Variants in GALNT17 observed in about 807,000 individuals in gnomAD.
GALNT17 encodes the protein polypeptide N-acetylgalactosaminyltransferase 17.
Under a neutral mutation model 63.7 loss-of-function variants are expected in GALNT17, and 29 were observed. The ratio of observed to expected loss-of-function variants is 0.46; its 90% CI spans 0.34 to 0.62. The LOEUF is 0.62. Ranked by LOEUF, GALNT17 falls within the 20% of genes least tolerant of loss-of-function variation. The pLI is 0.01. For missense variants in GALNT17, 603 were observed against 799.6 expected, an observed-to-expected ratio of 0.75 and a Z score of 2.97; for synonymous variants, 305 against 318.3, an observed-to-expected ratio of 0.96 and a Z score of 0.45.
chr7:71,417,384 T>G (rs145494008), intron 4 of GALNT17, among the ~76,000 whole-genome samples: 63 of 152,198 alleles, frequency 4.1e-4, no homozygotes, highest in African/African-American at 1.5e-3. Context: ...GGCCGCCAAT[T>G]TTCCCTCCCA....
intron 1 of GALNT17, among the ~76,000 whole-genome samples, chr7:71,167,949 C>T (rs1033381618): frequency 1.3e-5 from 2 of 152,176 alleles, no homozygotes; most frequent in South Asian, 2.1e-4. Context: ...GGATTTCAGG[C>T]GTGAGTCACC....
chr7:71,709,194 C>T (rs746039412), intron 9 of GALNT17, among the ~76,000 whole-genome samples: 1 of 152,176 alleles, frequency 6.6e-6, no homozygotes, highest in Non-Finnish European at 1.5e-5. Context: ...ATAAGCATGC[C>T]TTCTTCTCTG....
intron 1 of GALNT17, among the ~76,000 whole-genome samples, chr7:71,245,353 G>A (rs1378396665): frequency 6.6e-6 from 1 of 152,336 alleles, no homozygotes; most frequent in South Asian, 2.1e-4. Flanking sequence ...GAGGCAGAAT[G>A]TTGTTGCCAT....
At chr7:71,159,057 A>G (rs1012979072) in intron 1 of GALNT17, among the ~76,000 whole-genome samples, 1 of 151,702 alleles carries the variant, frequency 6.6e-6, no homozygotes, top group Non-Finnish European at 1.5e-5. Context: ...TTACAAGCTA[A>G]TACCCTCTGT....
chr7:71,617,914 T>C (rs1241789065), intron 6 of GALNT17, among the ~76,000 whole-genome samples: 1 of 152,190 alleles, frequency 6.6e-6, no homozygotes, highest in South Asian at 2.1e-4. Context: ...CCTAAAGTGC[T>C]GGGATTAGAG....
At chr7:71,404,601 G>T (rs1052757149) in intron 3 of GALNT17, among the ~76,000 whole-genome samples, 4 of 152,176 alleles carry the variant, frequency 2.6e-5, no homozygotes, top group African/African-American at 9.6e-5. Flanking sequence ...TAGATGCTTG[G>T]TTCCTCACCA....
intron 6 of GALNT17, among the ~76,000 whole-genome samples, chr7:71,644,330 AT>A (rs1471625313): frequency 6.6e-6 from 1 of 151,654 alleles, no homozygotes; most frequent in African/African-American, 2.4e-5. Context: ...AGGTCAGGAG[AT>A]TGAGACCAGC....
intron 3 of GALNT17, among the ~76,000 whole-genome samples, chr7:71,388,628 G>A (rs968931184): frequency 1.5e-4 from 23 of 152,022 alleles, no homozygotes; most frequent in Non-Finnish European, 1.5e-4. Flanking sequence ...CCGGGTTCAA[G>A]CGATTCTCCT....
At chr7:71,635,263 A>G (rs1280976792) in intron 6 of GALNT17, among the ~76,000 whole-genome samples, 9 of 151,826 alleles carry the variant, frequency 5.9e-5, no homozygotes, top group Non-Finnish European at 1.3e-4. Flanking sequence ...ATGGAGACCG[A>G]AGTTCTTATT....
chr7:71,200,385 G>A (rs1789144188), intron 1 of GALNT17, among the ~76,000 whole-genome samples: 1 of 151,934 alleles, frequency 6.6e-6, no homozygotes, highest in Non-Finnish European at 1.5e-5. Flanking sequence ...ACCTTCCTTG[G>A]GATCCTTTGA....
chr7:71,205,079 G>T (rs1365657227), intron 1 of GALNT17, among the ~76,000 whole-genome samples: 2 of 149,132 alleles, frequency 1.3e-5, no homozygotes, highest in East Asian at 2.0e-4. Flanking sequence ...TATTATCAGT[G>T]TACAGATCTT....
At chr7:71,647,651 C>T (rs1584111190) in intron 6 of GALNT17, among the ~76,000 whole-genome samples, 1 of 152,340 alleles carries the variant, frequency 6.6e-6, no homozygotes, top group African/African-American at 2.4e-5. Flanking sequence ...GGAGTCCATG[C>T]TCTGTCCACT....
intron 1 of GALNT17, among the ~76,000 whole-genome samples, chr7:71,290,520 C>T (rs1008911985): frequency 6.6e-6 from 1 of 152,120 alleles, no homozygotes; most frequent in Non-Finnish European, 1.5e-5. Flanking sequence ...ACCCTGCTTT[C>T]TTAGTCCCTG....
intron 1 of GALNT17, among the ~76,000 whole-genome samples, chr7:71,270,964 G>GA (rs3839729): frequency 0.036 from 5,371 of 149,476 alleles, 110 homozygotes; most frequent in South Asian, 0.062. Context: ...GAAAAGAAAA[G>GA]AAAAAAAAAG....
intron 6 of GALNT17, among the ~76,000 whole-genome samples, chr7:71,634,931 G>A (rs774216715): frequency 5.9e-5 from 9 of 151,546 alleles, no homozygotes; most frequent in Non-Finnish European, 1.3e-4. Flanking sequence ...AATGCCAGCC[G>A]GGCATGGTGA....
chr7:71,568,291 G>A (rs1295973316), intron 5 of GALNT17, among the ~76,000 whole-genome samples: 2 of 152,174 alleles, frequency 1.3e-5, no homozygotes, highest in South Asian at 2.1e-4. Context: ...TGCCTCAGTC[G>A]TTCAGTGGAG....
intron 5 of GALNT17, among the ~76,000 whole-genome samples, chr7:71,522,305 G>A (rs897833201): frequency 1.3e-5 from 2 of 152,170 alleles, no homozygotes; most frequent in Non-Finnish European, 2.9e-5. Flanking sequence ...GCTTCTGTTG[G>A]TGTGGACAGA....
intron 3 of GALNT17, among the ~76,000 whole-genome samples, chr7:71,406,737 G>GTTT (rs11413616): frequency 9.0e-5 from 13 of 144,318 alleles, no homozygotes; most frequent in African/African-American, 1.5e-4. Flanking sequence ...TTTCCAGGTG[G>GTTT]TTTTTTTTTT....
At chr7:71,345,678 A>T (rs1334895642) in intron 2 of GALNT17, among the ~76,000 whole-genome samples, 1 of 152,132 alleles carries the variant, frequency 6.6e-6, no homozygotes, top group African/African-American at 2.4e-5. Flanking sequence ...TGTGACTCGT[A>T]TGTGTATGTG....
Sources: allele counts gnomAD v4.1 joint callset (sites outside exome capture counted in the v4.1 genomes callset), GRCh38; gene constraint gnomAD v4.1.1; transcripts MANE v1.5; gene names NCBI Gene and HGNC (gene_info 2026-07-23, HGNC 2026-07-21).